The following KIAA1549L variants were observed in gnomAD, a reference collection of about 807,000 sequenced individuals.
The protein encoded by KIAA1549L is UPF0606 protein KIAA1549L.
A neutral mutation model predicts 160.7 loss-of-function variants in KIAA1549L; 88 were observed. The ratio of observed to expected loss-of-function variants is 0.55; its 90% CI spans 0.46 to 0.65. KIAA1549L has a LOEUF of 0.65. KIAA1549L is among the 30% of genes least tolerant of loss of function. The probability of loss-of-function intolerance (pLI) is 0.00; values close to 1 mark genes in which losing one functional copy is unlikely to be tolerated. For missense variants in KIAA1549L, 2,258 were observed against 2,437.5 expected (o/e 0.93, Z 1.55); for synonymous variants, 950 against 976.7 (o/e 0.97, Z 0.51).
At position 33,591,437 on chromosome 11, in the gene KIAA1549L, A is replaced by C; in HGVS notation, c.4751+16A>C. On this transcript the variant is annotated intron_variant, in intron 12 of 20. Coordinates refer to ENST00000658780, the MANE Select transcript of KIAA1549L (RefSeq NM_012194.3). ...CCAGGAAGAGGTAGGCACGGGGCTG[A>C]CTTCTGCCTCTCTGTGTCAGCAAGA... 1 of 1,575,478 alleles carries C rather than the reference A, an allele frequency of 6.3e-7. No individual in the cohort carries two copies. Among genetic ancestry groups the C allele is most frequent in the Non-Finnish European group, 8.7e-7 (1 of 1,155,692 alleles).
At chr11:33,551,986 A>G in intron 5 of KIAA1549L, 122 bp from the exon 6 acceptor site, 1 of 1,080,132 alleles carries the variant, frequency 9.3e-7, no homozygotes. Flanking sequence ...GTCTGGCCTT[A>G]TTATTTATTT....
In KIAA1549L at chr11:33,516,683, AAAAC is replaced by A. The variant is rs764784025; in HGVS notation, c.239-25103_239-25100del. Among the ~76,000 whole-genome samples the A allele has an allele frequency of 3.1e-4, 47 of 152,290 alleles. No homozygotes were observed. The East Asian group carries it at 4.2e-3, about 14-fold the overall frequency. On this transcript the variant is annotated intron_variant, in intron 1 of 20. Coordinates refer to ENST00000658780, the MANE Select transcript of KIAA1549L (RefSeq NM_012194.3). ...TTTTTCTTCCTAATTATTCAGTCTTAAAACAAACAAACAAACAAAAAACACCTGT... is the reference window on the plus strand; with the variant it reads ...TTTTTCTTCCTAATTATTCAGTCTTAAAACAAACAAACAAAAAACACCTGT...
chr11:33,527,448 T>C (rs1853638951), intron 1 of KIAA1549L, among the ~76,000 whole-genome samples: 4 of 152,178 alleles, frequency 2.6e-5, no homozygotes, highest in Admixed American at 2.0e-4. Context: ...CAACTCAAGA[T>C]GGATCAAGGA....
At chr11:33,548,865 C>G (rs533752761) in intron 4 of KIAA1549L, among the ~76,000 whole-genome samples, 7 of 152,196 alleles carry the variant, frequency 4.6e-5, no homozygotes, top group African/African-American at 1.7e-4. Flanking sequence ...CTTACTGACC[C>G]CCTCCCTCCC....
At chr11:33,645,602 C>A in intron 16 of KIAA1549L, 84 bp from the exon 17 acceptor site, 3 of 1,003,102 alleles carry the variant, frequency 3.0e-6, no homozygotes, top group Non-Finnish European at 4.6e-6. Context: ...AGCACCTGTC[C>A]AAGTGAATGT....
chr11:33,424,445 GT>G (rs1851078624), intron 1 of KIAA1549L, among the ~76,000 whole-genome samples: 1 of 151,994 alleles, frequency 6.6e-6, no homozygotes, highest in Non-Finnish European at 1.5e-5. Context: ...CCTTCTGCCT[GT>G]TTTTGTTTCC....
At position 33,561,682 on chromosome 11, in the gene KIAA1549L, A is replaced by C. The variant is rs367564819; in HGVS notation, c.4025A>C (p.Glu1342Ala). Residue 1342 changes from glutamate to alanine, a missense_variant, in exon 8 of 21, where the codon GAA becomes GCA. Coordinates refer to ENST00000658780, the MANE Select transcript of KIAA1549L (RefSeq NM_012194.3). ...TGTTTCTTATTTGTTTTAGCACTGG[A>C]ATATCCCAACCTTGACATATCAGAA... The part of the protein sequence containing the change: ...YPPLTIAEPL[E>A]YPNLDISETT... The C allele has an allele frequency of 4.1e-5, 66 of 1,606,846 alleles. No individual in the cohort carries two copies. In the African/African-American group the frequency reaches 8.4e-4, roughly 21 times the overall value.
chr11:33,667,783 C>T (rs1852522444), intron 20 of KIAA1549L, 90 bp from the exon 21 acceptor site: 2 of 1,115,810 alleles, frequency 1.8e-6, no homozygotes, highest in Non-Finnish European at 2.6e-6. Context: ...TGTCCTCAGC[C>T]CCCTCCTGCT....
rs1194353287 is a variant in KIAA1549L at position 33,614,529 on chromosome 11, A to AGGCTAT, written c.5280-4004_5280-4003insGGCTAT. On this transcript the variant is annotated intron_variant, in intron 15 of 20. Coordinates refer to ENST00000658780, the MANE Select transcript of KIAA1549L (RefSeq NM_012194.3). ...TCCTCTTGGGATCTGTGAGTGTAAC[A>AGGCTAT]AGATATATATATATATATATATATA... is the stretch of plus-strand genomic sequence containing the variant. 7.7e-4 allele frequency among the ~76,000 whole-genome samples: 30 copies of AGGCTAT among 39,168 alleles called. 1 individual carries two copies. The highest frequency in any genetic ancestry group is 1.2e-3 in the Non-Finnish European group (20 of 17,306). 25.7% of individuals were successfully genotyped at this position (39,168 alleles called of 152,430 possible).
intron 1 of KIAA1549L, among the ~76,000 whole-genome samples, chr11:33,378,432 C>G (rs1590208567): frequency 6.6e-6 from 1 of 152,130 alleles, no homozygotes; most frequent in Non-Finnish European, 1.5e-5. Flanking sequence ...TCTTTCAGAC[C>G]GCCAGAGCCT....
intron 11 of KIAA1549L, among the ~76,000 whole-genome samples, chr11:33,586,201 G>A (rs1242080497): frequency 1.3e-5 from 2 of 152,228 alleles, no homozygotes; most frequent in African/African-American, 4.8e-5. Flanking sequence ...ACAGTCCTGG[G>A]GACATCGCTG....
At chr11:33,571,782 A>G (rs569650696) in intron 9 of KIAA1549L, among the ~76,000 whole-genome samples, 16 of 152,232 alleles carry the variant, frequency 1.1e-4, no homozygotes, top group East Asian at 9.7e-4. Flanking sequence ...TGGAGAGGAC[A>G]TGTATTCATA....
chr11:33,560,131 T>C (rs1246232103), intron 7 of KIAA1549L, among the ~76,000 whole-genome samples: 3 of 152,254 alleles, frequency 2.0e-5, no homozygotes, highest in African/African-American at 7.2e-5. Flanking sequence ...ATGAAAAGTT[T>C]AGTGTACATC....
At chr11:33,641,601 T>C (rs189391083) in intron 16 of KIAA1549L, among the ~76,000 whole-genome samples, 1 of 27,834 alleles carries the variant, frequency 3.6e-5, no homozygotes, top group Admixed American at 2.8e-4. Context: ...TATATATATA[T>C]ATATATATAT....
Position 33,668,245 on chromosome 11 carries a change from C to G in KIAA1549L, c.*91C>G, listed in dbSNP as rs1852552491. ...CTACGTGTTAGGACTTGAGACATAGCAATGGGTGAGTCTTTCTCACCCTCC... is the reference window on the plus strand; with the variant it reads ...CTACGTGTTAGGACTTGAGACATAGGAATGGGTGAGTCTTTCTCACCCTCC... On this transcript the variant is annotated 3_prime_UTR_variant, in exon 21 of 21. Coordinates refer to ENST00000658780, the MANE Select transcript of KIAA1549L (RefSeq NM_012194.3). 1.2e-5 allele frequency: 14 copies of G among 1,194,894 alleles called. No homozygotes were observed. Among genetic ancestry groups the G allele is most frequent in the Admixed American group, 2.3e-5 (1 of 43,644 alleles). The allele number at this position is 1,194,894 out of a possible 1,614,324, so 74.0% of individuals were successfully genotyped here.
intron 9 of KIAA1549L, among the ~76,000 whole-genome samples, chr11:33,571,315 A>G (rs1030088531): frequency 6.6e-6 from 1 of 151,630 alleles, no homozygotes; most frequent in Non-Finnish European, 1.5e-5. Flanking sequence ...GAGAAAAGAA[A>G]AGAAATTCAT....
intron 1 of KIAA1549L, among the ~76,000 whole-genome samples, chr11:33,421,162 T>C (rs1851002153): frequency 6.8e-6 from 1 of 147,596 alleles, no homozygotes; most frequent in Non-Finnish European, 1.5e-5. Flanking sequence ...AAGCCCTGCT[T>C]CACTGCTCTT....
In KIAA1549L at chr11:33,649,529, A is replaced by C. The variant is rs985240067; in HGVS notation, c.5760+3493A>C. On this transcript the variant is annotated intron_variant, in intron 17 of 20. Coordinates refer to ENST00000658780, the MANE Select transcript of KIAA1549L (RefSeq NM_012194.3). ...GTAAAAAAAAAAAAAAAAAAAAAAGAAGCAGCAGCAGCAGCAGCTTACCCA... is the reference window on the plus strand; with the variant it reads ...GTAAAAAAAAAAAAAAAAAAAAAAGCAGCAGCAGCAGCAGCAGCTTACCCA... Among the ~76,000 whole-genome samples, 111 of 138,166 alleles carry C rather than the reference A, an allele frequency of 8.0e-4. 1 individual carries two copies. The highest frequency in any genetic ancestry group is 2.4e-3 in the African/African-American group (92 of 38,428). The allele number at this position is 138,166 out of a possible 152,430, so 90.6% of individuals were successfully genotyped here. A position where few individuals can be genotyped will look rare whatever the true frequency, so the allele number is the denominator to read the frequency against.
intron 1 of KIAA1549L, among the ~76,000 whole-genome samples, chr11:33,502,528 C>T (rs923588473): frequency 6.6e-6 from 1 of 152,138 alleles, no homozygotes; most frequent in Non-Finnish European, 1.5e-5. Flanking sequence ...CATTGGGTGC[C>T]ATTTGTCCTG....
Sources: allele counts gnomAD v4.1 joint callset (sites outside exome capture counted in the v4.1 genomes callset), GRCh38; gene constraint gnomAD v4.1.1; transcripts MANE v1.5; gene names NCBI Gene and HGNC (gene_info 2026-07-23, HGNC 2026-07-21).